The following BACE2 variants were observed in gnomAD, a reference collection of about 807,000 sequenced individuals.
BACE2 encodes the protein 56 kDa aspartic-like protease.
Under a neutral mutation model 46.2 loss-of-function variants are expected in BACE2, and 17 were observed. That is an observed-to-expected ratio of 0.37 (90% CI 0.25 to 0.55). The LOEUF (loss-of-function observed/expected upper bound fraction) is 0.55. Among genes scored for constraint, BACE2 ranks in the 20% least tolerant of loss-of-function variants. The probability of loss-of-function intolerance (pLI) is 0.82; values close to 1 mark genes in which losing one functional copy is unlikely to be tolerated. For synonymous variants in BACE2, 277 were observed against 295.9 expected (o/e 0.94, Z 0.66); for missense variants, 595 against 698.1 (o/e 0.85, Z 1.66).
intron 5 of BACE2, among the ~76,000 whole-genome samples, chr21:41,244,254 A>C (rs978615814): frequency 1.3e-5 from 2 of 152,212 alleles, no homozygotes; most frequent in Non-Finnish European, 2.9e-5. Context: ...TCATATATGC[A>C]GGTACCTCTT....
intron 1 of BACE2, among the ~76,000 whole-genome samples, chr21:41,207,757 G>A (rs1009658587): frequency 3.9e-5 from 6 of 152,244 alleles, no homozygotes; most frequent in Non-Finnish European, 8.8e-5. Flanking sequence ...ATCTGCGGAA[G>A]CTTGGTTGGA....
chr21:41,235,439 G>A (rs1034081190), intron 2 of BACE2, among the ~76,000 whole-genome samples: 4 of 152,194 alleles, frequency 2.6e-5, no homozygotes, highest in Admixed American at 6.5e-5. Flanking sequence ...ATGAACCTCT[G>A]TCTGCTTCCT....
At chr21:41,200,135 C>A (rs566075145) in intron 1 of BACE2, among the ~76,000 whole-genome samples, 2 of 150,520 alleles carry the variant, frequency 1.3e-5, no homozygotes, top group African/African-American at 4.9e-5. Flanking sequence ...CACATGTATA[C>A]ATATGTAACA....
chr21:41,212,763 C>T (rs970408829), intron 1 of BACE2, among the ~76,000 whole-genome samples: 2 of 152,190 alleles, frequency 1.3e-5, no homozygotes, highest in Non-Finnish European at 2.9e-5. Flanking sequence ...TAATCTCACT[C>T]CTGAGGTTAC....
At chr21:41,235,807 C>T (rs1030188374) in intron 2 of BACE2, among the ~76,000 whole-genome samples, 1 of 152,184 alleles carries the variant, frequency 6.6e-6, no homozygotes, top group Non-Finnish European at 1.5e-5. Context: ...CGCTATGGCA[C>T]TCCAGCCTGG....
intron 1 of BACE2, among the ~76,000 whole-genome samples, chr21:41,216,993 G>A (rs956585157): frequency 6.6e-6 from 1 of 152,128 alleles, no homozygotes. Context: ...GCGCAGTGGT[G>A]CGATCTTGGC....
At chr21:41,201,655 G>T (rs374888946) in intron 1 of BACE2, among the ~76,000 whole-genome samples, 1 of 152,246 alleles carries the variant, frequency 6.6e-6, no homozygotes, top group African/African-American at 2.4e-5. Flanking sequence ...GCCAAGAGGC[G>T]CAACGCACAG....
chr21:41,169,109 C>T (rs572644643), intron 1 of BACE2, among the ~76,000 whole-genome samples: 70 of 151,574 alleles, frequency 4.6e-4, no homozygotes, highest in Non-Finnish European at 8.8e-4. Context: ...TAAAAGCAAC[C>T]CGGTTAAGAA....
chr21:41,213,698 C>T (rs1463817409), intron 1 of BACE2, among the ~76,000 whole-genome samples: 1 of 151,748 alleles, frequency 6.6e-6, no homozygotes, highest in Non-Finnish European at 1.5e-5. Flanking sequence ...CGCTTGAACC[C>T]GGGAGGTAGA....
chr21:41,220,493 AAC>A (rs914277991), intron 1 of BACE2, among the ~76,000 whole-genome samples: 14 of 152,134 alleles, frequency 9.2e-5, no homozygotes, highest in Non-Finnish European at 1.8e-4. Flanking sequence ...AGCATACAAA[AAC>A]ACATCACTTT....
At chr21:41,249,191 C>T (rs2065324) in intron 6 of BACE2, among the ~76,000 whole-genome samples, 1,697 of 111,810 alleles carry the variant, frequency 0.015, 94 homozygotes, top group East Asian at 0.032. Flanking sequence ...GGACTCAGGA[C>T]TAGTGAGCCC....
intron 1 of BACE2, among the ~76,000 whole-genome samples, chr21:41,209,536 C>G (rs1026721785): frequency 2.6e-5 from 4 of 152,162 alleles, no homozygotes; most frequent in African/African-American, 9.7e-5. Context: ...TGAGAAACAG[C>G]CCTGTAACGA....
chr21:41,234,073 C>T (rs908773595), intron 2 of BACE2, among the ~76,000 whole-genome samples: 1 of 152,130 alleles, frequency 6.6e-6, no homozygotes, highest in African/African-American at 2.4e-5. Context: ...GTGGGAGGGA[C>T]CCAGTGGGAG....
chr21:41,178,927 A>T, intron 1 of BACE2: 1 of 389,066 alleles, frequency 2.6e-6, no homozygotes, highest in Non-Finnish European at 4.4e-6. Flanking sequence ...TATTGGTGAA[A>T]GAATCCTGCT....
chr21:41,216,637 G>A (rs1480641071), intron 1 of BACE2, among the ~76,000 whole-genome samples: 3 of 152,226 alleles, frequency 2.0e-5, no homozygotes, highest in Non-Finnish European at 2.9e-5. Flanking sequence ...CAGAGGCTGC[G>A]GTGGAGCTTC....
rs541899056 is a variant in BACE2 at position 41,241,915 on chromosome 21, G to A, written c.715G>A (p.Val239Ile). Reference protein sequence around the residue: ...SMQMCGAGLPVAGSGTNGGSL... With the variant: ...SMQMCGAGLPIAGSGTNGGSL... The stretch of plus-strand genomic sequence containing the variant: ...GCAGATGTGTGGAGCCGGCTTGCCC[G>A]TTGCTGGATCTGGGACCAACGGAGG... The change falls in exon 4 of 9, where the codon GTT becomes ATT. Residue 239 changes from valine to isoleucine, a missense_variant. Physicochemically the swap from Val to Ile is conservative, Grantham distance 29. Around this residue, in one of 3 missense-constraint regions of BACE2, gnomAD observed 343 missense variants for 419.4 expected, o/e 0.82. Transcript: ENST00000330333. The A allele has an allele frequency of 2.7e-5, 44 of 1,614,148 alleles. No individual in the cohort carries two copies. The highest frequency in any genetic ancestry group is 1.0e-4 in the Admixed American group (6 of 60,026).
At position 41,257,161 on chromosome 21, in the gene BACE2, T is replaced by C. The variant is rs1371334451; in HGVS notation, c.1138T>C (p.Tyr380His). The change falls in exon 8 of 9, where the codon TAC becomes CAC. Residue 380 changes from tyrosine to histidine, a missense_variant. By Grantham distance (83) the Tyr-to-His change is moderately conservative. Around this residue, in one of 3 missense-constraint regions of BACE2, gnomAD observed 343 missense variants for 419.4 expected, o/e 0.82. Transcript: ENST00000330333. ...CTCTCTCCTCTCCGACAAACAGCTT[T>C]ACATTCAGCCCATGATGGGGGCCGG... ...SFRITILPQL[Y>H]IQPMMGAGLN... is the part of the protein sequence containing the mutation. 1 of 1,614,234 alleles carries C rather than the reference T, an allele frequency of 6.2e-7. No individual in the cohort carries two copies. The highest frequency in any genetic ancestry group is 8.5e-7 in the Non-Finnish European group (1 of 1,180,040).
intron 5 of BACE2, 81 bp from the exon 6 acceptor site, chr21:41,245,881 A>G: frequency 1.0e-6 from 1 of 999,060 alleles, no homozygotes; most frequent in Non-Finnish European, 1.5e-6. Flanking sequence ...TAACAGACAG[A>G]TGGTGATGGC....
chr21:41,195,134 C>G (rs1021512984), intron 1 of BACE2, among the ~76,000 whole-genome samples: 4 of 152,234 alleles, frequency 2.6e-5, no homozygotes, highest in African/African-American at 9.6e-5. Flanking sequence ...GGAACACAAC[C>G]ATGCTGGGGT....
Sources: allele counts gnomAD v4.1 joint callset (sites outside exome capture counted in the v4.1 genomes callset), GRCh38; gene constraint gnomAD v4.1.1; regional missense constraint gnomAD v4.1.1; transcripts MANE v1.5; gene names NCBI Gene and HGNC (gene_info 2026-07-23, HGNC 2026-07-21).